PLAGL1: variants seen among roughly 807,000 people sequenced by gnomAD.
PLAGL1 encodes the protein zinc finger protein PLAGL1.
PLAGL1 carries 1 observed loss-of-function variant against 4.6 expected under a neutral mutation model. That is an observed-to-expected ratio of 0.22 (90% confidence interval 0.08 to 1.03). The LOEUF is 1.03. Ranked by LOEUF, PLAGL1 falls within the 50% of genes least tolerant of loss-of-function variation. The pLI is 0.58. For synonymous variants in PLAGL1, 240 were observed against 237.8 expected (o/e 1.01, Z -0.08); for missense variants, 464 against 570.4 (o/e 0.81, Z 1.90).
chr6:143,954,615 G>C lies in PLAGL1; in HGVS notation c.-325+5854C>G, dbSNP rs1452487680. 6.6e-6 allele frequency among the ~76,000 whole-genome samples: 1 copy of C among 152,170 alleles called. No homozygotes were observed. Among genetic ancestry groups the C allele is most frequent in the African/African-American group, 2.4e-5 (1 of 41,426 alleles). On this transcript the variant is annotated intron_variant, in intron 6 of 7. Transcript: ENST00000674357. This position sits in a 1 kb window ranked among gnomAD's most constrained non-coding sequence, Gnocchi z 5.1. ...ATCATTTCACCAAGAAACATGAAAG[G>C]AGAGGAGATGATTTTTAAACTAACA...
Position 143,985,982 on chromosome 6 carries a change from T to TATATATATATATATATA in PLAGL1, c.-583-809_-583-808insTATATATATATATATAT, listed in dbSNP as rs1554263920. On this transcript the variant is annotated intron_variant, in intron 1 of 7. Transcript: ENST00000674357. This position sits in a 1 kb window ranked among gnomAD's most constrained non-coding sequence, Gnocchi z 4.4. ...TATATCAAATTATATATATATAAAA[T>TATATATATATATATATA]TATATATATATATATATATATATAT... is the stretch of plus-strand genomic sequence containing the variant. 1.4e-4 allele frequency among the ~76,000 whole-genome samples: 16 copies of TATATATATATATATATA among 111,578 alleles called. No individual in the cohort carries two copies. Among genetic ancestry groups the TATATATATATATATATA allele is most frequent in the African/African-American group, 2.4e-4 (7 of 28,912 alleles). The allele number at this position is 111,578 out of a possible 152,430, so 73.2% of individuals were successfully genotyped here. A position where few individuals can be genotyped will look rare whatever the true frequency, so the allele number is the denominator to read the frequency against.
chr6:143,969,622 C>CA lies in PLAGL1; in HGVS notation c.-543-645dup, dbSNP rs547356186. Among the ~76,000 whole-genome samples the CA allele has an allele frequency of 1.6e-3, 229 of 139,570 alleles. 1 individual carries two copies. The highest frequency in any genetic ancestry group is 4.8e-3 in the South Asian group (21 of 4,396). The allele number at this position is 139,570 out of a possible 152,430, so 91.6% of individuals were successfully genotyped here. On this transcript the variant is annotated intron_variant, in intron 2 of 7. Transcript: ENST00000674357. ...CAACATAGCAGGACTCAATCTCTACCAAAAAAAAAAAAATTTTTTTTTTAA... is the reference window on the plus strand; with the variant it reads ...CAACATAGCAGGACTCAATCTCTACCAAAAAAAAAAAAAATTTTTTTTTTAA...
rs1169726675 is a variant in PLAGL1 at position 144,004,028 on chromosome 6, C to T, written c.-584+4062G>A. Among the ~76,000 whole-genome samples the T allele has an allele frequency of 2.0e-5, 3 of 152,192 alleles. No individual in the cohort carries two copies. On this transcript the variant is annotated intron_variant, in intron 1 of 7. Transcript: ENST00000674357. The surrounding 1 kb of genome is among the most constrained non-coding windows in gnomAD (Gnocchi z 4.2). ...CAAGAAAATGAATAAGTAAATTGCTCATATTATATATCCACATAATGTAAT... is the reference window on the plus strand; with the variant it reads ...CAAGAAAATGAATAAGTAAATTGCTTATATTATATATCCACATAATGTAAT...
rs77314802 is a variant in PLAGL1, at chr6:143,977,090, C to A, written c.-544+8045G>T. 5.5e-3 allele frequency among the ~76,000 whole-genome samples: 808 copies of A among 148,220 alleles called. 6 individuals are homozygous for A. The highest frequency in any genetic ancestry group is 0.011 in the Admixed American group (170 of 14,848). Reference sequence around the variant, plus strand: ...ATTTCCCATATACTCCCTTCCCCCCCCCCAACACACTTAGCCTTCTCCATT... The same window carrying A: ...ATTTCCCATATACTCCCTTCCCCCCACCCAACACACTTAGCCTTCTCCATT... On this transcript the variant is annotated intron_variant, in intron 2 of 7. Transcript: ENST00000674357.
intron 1 of PLAGL1, among the ~76,000 whole-genome samples, chr6:144,054,333 G>C (rs931804569): frequency 6.6e-6 from 1 of 152,146 alleles, no homozygotes; most frequent in Non-Finnish European, 1.5e-5. Context: ...CAATAGCAAA[G>C]ACATAGAACC....
chr6:144,044,931 CTTCT>C (rs1178160035), intron 1 of PLAGL1, among the ~76,000 whole-genome samples: 2 of 149,144 alleles, frequency 1.3e-5, no homozygotes, highest in African/African-American at 5.0e-5. Context: ...ATGTAATGGC[CTTCT>C]TTGTCTCTTT....
rs761027466 is a variant in PLAGL1, at chr6:144,027,271, GAA to G, written c.-151+37195_-151+37196del. Among the ~76,000 whole-genome samples the G allele has an allele frequency of 3.8e-4, 56 of 146,910 alleles. 1 individual carries two copies. Among genetic ancestry groups the G allele is most frequent in the Middle Eastern group, 3.5e-3 (1 of 286 alleles). On this transcript the variant is annotated intron_variant, in intron 1 of 3. Transcript: ENST00000437412. This position sits in a 1 kb window ranked among gnomAD's most constrained non-coding sequence, Gnocchi z 5.8. ...AGAAAGAAAGAAAGAAAGAAAGAAA[GAA>G]AGAAAGAAAGAAAGAAAGAAAGTTA...
At position 143,947,507 on chromosome 6, in the gene PLAGL1, T is replaced by C. The variant is rs904048391; in HGVS notation, c.152+478A>G. Among the ~76,000 whole-genome samples the C allele has an allele frequency of 2.0e-5, 3 of 152,202 alleles. No homozygotes were observed. The highest frequency in any genetic ancestry group is 7.2e-5 in the African/African-American group (3 of 41,444). The stretch of plus-strand genomic sequence containing the variant: ...TGCCTGCACTTTTAGCCTCATCTGC[T>C]CCTCCTCGGATAGTACCCTCTGCAC... On this transcript the variant is annotated intron_variant, in intron 7 of 7. Transcript: ENST00000674357. The surrounding 1 kb of genome is among the most constrained non-coding windows in gnomAD (Gnocchi z 4.3).
In PLAGL1 at chr6:144,027,285, A is replaced by AAC; in HGVS notation, c.-151+37182_-151+37183insGT. 8.3e-6 allele frequency among the ~76,000 whole-genome samples: 1 copy of AAC among 120,752 alleles called. No homozygotes were observed. Among genetic ancestry groups the AAC allele is most frequent in the Non-Finnish European group, 1.8e-5 (1 of 54,794 alleles). 79.2% of individuals were successfully genotyped at this position (120,752 alleles called of 152,430 possible). On this transcript the variant is annotated intron_variant, in intron 1 of 3. Coordinates refer to the PLAGL1 transcript ENST00000437412. This position sits in a 1 kb window ranked among gnomAD's most constrained non-coding sequence, Gnocchi z 5.8. ...AAAGAAAGAAAGAAAGAAAGAAAGA[A>AAC]AGAAAGAAAGTTATTTGATCTGAAG...
chr6:143,951,065 T>C (rs955799078), intron 6 of PLAGL1, among the ~76,000 whole-genome samples: 3 of 152,190 alleles, frequency 2.0e-5, no homozygotes, highest in African/African-American at 7.2e-5. Flanking sequence ...GCACTTGTTC[T>C]GTGAATCCAG....
chr6:144,016,493 A>C lies in PLAGL1; in HGVS notation c.-150-47515T>G, dbSNP rs1268338561. ...TACTTTGTATCTTTCAATCCAATCA[A>C]GGTGACAGTCAGTATTAACCATCAT... On this transcript the variant is annotated intron_variant, in intron 1 of 3. Coordinates refer to the PLAGL1 transcript ENST00000437412. This position sits in a 1 kb window ranked among gnomAD's most constrained non-coding sequence, Gnocchi z 4.2. Among the ~76,000 whole-genome samples, 14 of 152,222 alleles carry C rather than the reference A, an allele frequency of 9.2e-5. No homozygotes were observed. Among genetic ancestry groups the C allele is most frequent in the Non-Finnish European group, 1.5e-5 (1 of 68,040 alleles).
In PLAGL1 at chr6:143,948,796, A is replaced by AACCG. The variant is rs1467756889; in HGVS notation, c.-324-337_-324-336insCGGT. 0.044 allele frequency among the ~76,000 whole-genome samples: 6,637 copies of AACCG among 151,568 alleles called. 476 individuals are homozygous for AACCG. The highest frequency in any genetic ancestry group is 0.15 in the African/African-American group (6,066 of 41,252). ...AACAACAACAACAACAACAACAAAC[A>AACCG]AAAACCTCCCTCCCTCAGTGTGTTC... On this transcript the variant is annotated intron_variant, in intron 6 of 7. Transcript: ENST00000674357. This position sits in a 1 kb window ranked among gnomAD's most constrained non-coding sequence, Gnocchi z 6.0.
In PLAGL1 at chr6:143,955,938, T is replaced by C. The variant is rs555782377; in HGVS notation, c.-325+4531A>G. Among the ~76,000 whole-genome samples, 19 of 152,260 alleles carry C rather than the reference T, an allele frequency of 1.2e-4. No individual in the cohort carries two copies. The highest frequency in any genetic ancestry group is 4.3e-4 in the African/African-American group (18 of 41,532). ...GTGGTGGCAGAGAGAGGTTTTCTTC[T>C]GCATCCCAGAAGAAAAACTCAGCAA... is the stretch of plus-strand genomic sequence containing the variant. On this transcript the variant is annotated intron_variant, in intron 6 of 7. Transcript: ENST00000674357. This position sits in a 1 kb window ranked among gnomAD's most constrained non-coding sequence, Gnocchi z 4.9.
rs543763464 is a variant in PLAGL1, at chr6:143,968,926, A to T, written c.-491T>A. On this transcript the variant is annotated 5_prime_UTR_variant, in exon 3 of 8. Transcript: ENST00000674357. The surrounding 1 kb of genome is among the most constrained non-coding windows in gnomAD (Gnocchi z 6.3). ...ATTTACCTTTCTAAGTGAGGTACAG[A>T]TGAGTTTCAGATGTGACACGAGGCA... 1.3e-5 allele frequency: 2 copies of T among 152,158 alleles called. No individual in the cohort carries two copies. Among genetic ancestry groups the T allele is most frequent in the South Asian group, 4.2e-4 (2 of 4,816 alleles). The allele number at this position is 152,158 out of a possible 1,614,324, so 9.4% of individuals were successfully genotyped here. A position where few individuals can be genotyped will look rare whatever the true frequency, so the allele number is the denominator to read the frequency against.
intron 1 of PLAGL1, among the ~76,000 whole-genome samples, chr6:144,040,398 A>T (rs34911349): frequency 0.17 from 25,707 of 151,836 alleles, 2,527 homozygotes; most frequent in Middle Eastern, 0.23. Flanking sequence ...GCATGGTGGC[A>T]CATGCTTGTA....
At chr6:144,002,883 C>CTTTTTTTTTTTTTT (rs34276412) in intron 1 of PLAGL1, among the ~76,000 whole-genome samples, 2 of 144,038 alleles carry the variant, frequency 1.4e-5, no homozygotes, top group Non-Finnish European at 1.5e-5. Context: ...TTCTGGTAGG[C>CTTTTTTTTTTTTTT]TTTTTTTTTT....
intron 1 of PLAGL1, among the ~76,000 whole-genome samples, chr6:144,040,137 G>C (rs1207364502): frequency 6.6e-6 from 1 of 152,110 alleles, no homozygotes; most frequent in African/African-American, 2.4e-5. Context: ...GGGACCTACA[G>C]GGAACTCCAA....
At chr6:144,058,258 C>T (rs1029436853) in intron 1 of PLAGL1, among the ~76,000 whole-genome samples, 2 of 152,146 alleles carry the variant, frequency 1.3e-5, no homozygotes, top group Admixed American at 1.3e-4. Flanking sequence ...GCCACAGCAT[C>T]ACACACTTTT....
rs1348033869 is a variant in PLAGL1 at position 143,942,632 on chromosome 6, G to A, written c.184C>T (p.His62Tyr). 1.2e-6 allele frequency: 2 copies of A among 1,613,826 alleles called. No homozygotes were observed. Among genetic ancestry groups the A allele is most frequent in the Admixed American group, 3.3e-5 (2 of 59,994 alleles). The change falls in exon 8 of 8, where the codon CAC becomes TAC. Residue 62 changes from histidine (H) to tyrosine (Y), a missense_variant. Transcript: ENST00000674357. The surrounding 1 kb of genome is among the most constrained non-coding windows in gnomAD (Gnocchi z 7.6). ...HMATHSPQKS[H>Y]QCAHCEKTFN... Reference sequence around the variant, plus strand: ...GTCTTCTCACAGTGAGCACACTGGTGAGATTTCTGGGGAGAATGGGTAGCC... The same window carrying A: ...GTCTTCTCACAGTGAGCACACTGGTAAGATTTCTGGGGAGAATGGGTAGCC...
Sources: gnomAD v4.1 joint callset for allele counts (sites outside exome capture counted in the v4.1 genomes callset) on GRCh38, gnomAD v4.1.1 for gene constraint, Gnocchi (gnomAD v3.1) non-coding constraint, MANE v1.5 for transcripts, NCBI Gene and HGNC (gene_info 2026-07-23, HGNC 2026-07-21) for gene names.